RNF19A: variants seen among roughly 807,000 people sequenced by gnomAD.
The protein encoded by RNF19A is ring finger protein 19A, RBR E3 ubiquitin protein ligase.
RNF19A carries 32 observed loss-of-function variants against 75.7 expected under a neutral mutation model. The ratio of observed to expected loss-of-function variants is 0.42; its 90% CI spans 0.32 to 0.57. The LOEUF is 0.57. RNF19A is among the 20% of genes least tolerant of loss of function. The pLI, the probability that RNF19A is intolerant of heterozygous loss-of-function variation, is 0.10. For missense variants in RNF19A, 782 were observed against 1,036.3 expected, an observed-to-expected ratio of 0.75 and a Z score of 3.37; for synonymous variants, 335 against 345.2, an observed-to-expected ratio of 0.97 and a Z score of 0.33.
chr8:100,325,500 T>C lies in RNF19A; in HGVS notation c.-243+10608A>G, dbSNP rs1015951271. On this transcript the variant is annotated intron_variant, in intron 1 of 3. Coordinates refer to the RNF19A transcript ENST00000519527. This position sits in a 1 kb window ranked among gnomAD's most constrained non-coding sequence, Gnocchi z 4.3. Reference sequence around the variant, plus strand: ...CTCTAGGTCCTCCCTTTTCAGTAAGTGACCTCTGAACAAGACGTTTCAACT... The same window carrying C: ...CTCTAGGTCCTCCCTTTTCAGTAAGCGACCTCTGAACAAGACGTTTCAACT... Among the ~76,000 whole-genome samples the C allele has an allele frequency of 3.9e-5, 6 of 152,178 alleles. No individual in the cohort carries two copies. The highest frequency in any genetic ancestry group is 1.4e-4 in the African/African-American group (6 of 41,426).
intron 3 of RNF19A, among the ~76,000 whole-genome samples, chr8:100,273,409 G>C (rs971629108): frequency 6.6e-6 from 1 of 152,096 alleles, no homozygotes; most frequent in African/African-American, 2.4e-5. Flanking sequence ...CTAGCTGCTA[G>C]ACTTGGCTCT....
intron 1 of RNF19A, among the ~76,000 whole-genome samples, chr8:100,315,723 C>A (rs1822363678): frequency 6.6e-6 from 1 of 152,140 alleles, no homozygotes; most frequent in South Asian, 2.1e-4. Context: ...GCAGTGCGAT[C>A]ACCTTGACCT....
chr8:100,309,244 G>C (rs1399220713), intron 1 of RNF19A: 7 of 863,244 alleles, frequency 8.1e-6, no homozygotes, highest in Non-Finnish European at 9.7e-6. Context: ...ACACCATTTT[G>C]GTGTGATGTG....
At position 100,264,785 on chromosome 8, in the gene RNF19A, T is replaced by C. The variant is rs774770130; in HGVS notation, c.1192A>G (p.Ile398Val). ...TCCTTGCCTTCATAGCGATTGTGAA[T>C]CTTGAATTAATAAAAATAGGGGTGG... Reference protein sequence around the residue: ...IGIPVYVGRKIHNRYEGKDVS... With the variant: ...IGIPVYVGRKVHNRYEGKDVS... Residue 398 changes from isoleucine (I) to valine (V), a missense_variant and splice_region_variant, in exon 6 of 10, where the codon ATT (isoleucine) becomes GTT (valine). By Grantham distance (29) the Ile-to-Val change is conservative. This residue lies in a region of RNF19A where 41 missense variants were observed against 75.9 expected (regional missense o/e 0.54). Coordinates refer to ENST00000341084, the MANE Select transcript of RNF19A (RefSeq NM_183419.4). This position sits in a 1 kb window ranked among gnomAD's most constrained non-coding sequence, Gnocchi z 4.7. 3.1e-6 allele frequency: 5 copies of C among 1,608,036 alleles called. No homozygotes were observed. The South Asian group carries it at 5.5e-5, about 18-fold the overall frequency.
rs150910283 is a variant in RNF19A, at chr8:100,305,535, T to C, written c.-94+4332A>G. Among the ~76,000 whole-genome samples, 5 of 152,354 alleles carry C rather than the reference T, an allele frequency of 3.3e-5. No individual in the cohort carries two copies. In the East Asian group the frequency reaches 9.6e-4, roughly 29 times the overall value. On this transcript the variant is annotated intron_variant, in intron 1 of 9. Transcript: ENST00000341084. ...ATGAAAACTAATTTTGCCTGTTTCCTTTTACTTCTTTAATGTGGCACTAGA... is the reference window on the plus strand; with the variant it reads ...ATGAAAACTAATTTTGCCTGTTTCCCTTTACTTCTTTAATGTGGCACTAGA...
At position 100,329,863 on chromosome 8, in the gene RNF19A, G is replaced by A. The variant is rs1377269098; in HGVS notation, c.-243+6245C>T. Reference sequence around the variant, plus strand: ...ACATTTTAAAGAATCAGACCCACATGACAATAAAATTAAATATTTTCTCAT... The same window carrying A: ...ACATTTTAAAGAATCAGACCCACATAACAATAAAATTAAATATTTTCTCAT... On this transcript the variant is annotated intron_variant, in intron 1 of 3. Transcript: ENST00000519527. The surrounding 1 kb of genome is among the most constrained non-coding windows in gnomAD (Gnocchi z 4.3). Among the ~76,000 whole-genome samples, 2 of 152,156 alleles carry A rather than the reference G, an allele frequency of 1.3e-5. No individual in the cohort carries two copies. The highest frequency in any genetic ancestry group is 2.9e-5 in the Non-Finnish European group (2 of 68,026).
Position 100,335,342 on chromosome 8 carries a change from T to C in RNF19A, c.-243+766A>G, listed in dbSNP as rs1229264314. On this transcript the variant is annotated intron_variant, in intron 1 of 3. Transcript: ENST00000519527. ...AGATGTACTATTATTATCCTCATTT[T>C]ATCTATGAGGAAATTGAGGCACTGT... 1.3e-5 allele frequency among the ~76,000 whole-genome samples: 2 copies of C among 152,348 alleles called. 1 individual carries two copies. Among genetic ancestry groups the C allele is most frequent in the Middle Eastern group, 6.8e-3 (2 of 294 alleles).
chr8:100,262,565 G>A (rs886600314), intron 7 of RNF19A, among the ~76,000 whole-genome samples: 1 of 152,112 alleles, frequency 6.6e-6, no homozygotes, highest in African/African-American at 2.4e-5. Context: ...GACATAGTTG[G>A]GGCAGATCAT....
At chr8:100,273,385 C>G (rs1212094331) in intron 3 of RNF19A, among the ~76,000 whole-genome samples, 1 of 152,144 alleles carries the variant, frequency 6.6e-6, no homozygotes, top group Non-Finnish European at 1.5e-5. Context: ...AATAATCCAA[C>G]CTGGTATGAT....
chr8:100,270,257 T>TA (rs1820190908), intron 3 of RNF19A, among the ~76,000 whole-genome samples: 2 of 151,956 alleles, frequency 1.3e-5, no homozygotes, highest in African/African-American at 4.8e-5. Flanking sequence ...GAACAAAGAA[T>TA]AAAAAAAGAA....
intron 1 of RNF19A, among the ~76,000 whole-genome samples, chr8:100,301,985 G>A (rs1014473876): frequency 1.3e-5 from 2 of 152,166 alleles, no homozygotes; most frequent in African/African-American, 4.8e-5. Context: ...CCCTAAGGGA[G>A]GAATGTGTCT....
At chr8:100,273,026 C>T (rs1293853905) in intron 3 of RNF19A, among the ~76,000 whole-genome samples, 2 of 151,864 alleles carry the variant, frequency 1.3e-5, no homozygotes, top group Admixed American at 6.6e-5. Context: ...TCACCACGCC[C>T]GGCTAATTTT....
chr8:100,326,248 A>C (rs529254398), intron 1 of RNF19A, among the ~76,000 whole-genome samples: 1 of 152,102 alleles, frequency 6.6e-6, no homozygotes, highest in African/African-American at 2.4e-5. Context: ...TTTCTTCTGA[A>C]CTTCAGAAAA....
chr8:100,310,630 C>G (rs192358801), upstream of RNF19A, among the ~76,000 whole-genome samples: 80 of 152,356 alleles, frequency 5.3e-4, no homozygotes, highest in Admixed American at 4.4e-3. Context: ...AGGACGGCAG[C>G]ACCCTGTGCG....
chr8:100,279,236 A>T (rs1248150037), intron 2 of RNF19A, among the ~76,000 whole-genome samples: 1 of 152,222 alleles, frequency 6.6e-6, no homozygotes, highest in South Asian at 2.1e-4. Flanking sequence ...TAGAATTTTT[A>T]AAATACACAG....
At chr8:100,320,216 A>G (rs1822445849) in intron 1 of RNF19A, among the ~76,000 whole-genome samples, 1 of 152,236 alleles carries the variant, frequency 6.6e-6, no homozygotes, top group Non-Finnish European at 1.5e-5. Context: ...TATTTTAAAT[A>G]GTTTTTACTA....
chr8:100,317,089 C>G lies in RNF19A; in HGVS notation c.-242-3717G>C, dbSNP rs371991316. Among the ~76,000 whole-genome samples, 1 of 138,730 alleles carries G rather than the reference C, an allele frequency of 7.2e-6. No homozygotes were observed. The highest frequency in any genetic ancestry group is 2.2e-4 in the East Asian group (1 of 4,568). 91.0% of individuals were successfully genotyped at this position (138,730 alleles called of 152,430 possible). On this transcript the variant is annotated intron_variant, in intron 1 of 3. Coordinates refer to the RNF19A transcript ENST00000519527. The surrounding 1 kb of genome is among the most constrained non-coding windows in gnomAD (Gnocchi z 4.3). ...CTGAGTGCGGGGCCTGCCAAGCCCA[C>G]GCCCACGCCCACCCGGAACTCCAGC...
At chr8:100,316,346 G>A (rs761854844) in intron 1 of RNF19A, among the ~76,000 whole-genome samples, 9 of 152,032 alleles carry the variant, frequency 5.9e-5, no homozygotes, top group Non-Finnish European at 1.3e-4. Context: ...GTGTGGAAGG[G>A]GACCCCAGTG....
chr8:100,325,991 A>G lies in RNF19A; in HGVS notation c.-243+10117T>C, dbSNP rs1822528481. ...TGAGTTGGACACTTATCCTATTACA[A>G]ATCTATGTGCTACAAAGCTATATGC... On this transcript the variant is annotated intron_variant, in intron 1 of 3. Coordinates refer to the RNF19A transcript ENST00000519527. The surrounding 1 kb of genome is among the most constrained non-coding windows in gnomAD (Gnocchi z 4.3). Among the ~76,000 whole-genome samples the G allele has an allele frequency of 6.6e-6, 1 of 152,166 alleles. No homozygotes were observed. Among genetic ancestry groups the G allele is most frequent in the Non-Finnish European group, 1.5e-5 (1 of 68,036 alleles).
Sources: gnomAD v4.1 joint callset for allele counts (sites outside exome capture counted in the v4.1 genomes callset) on GRCh38, gnomAD v4.1.1 for gene constraint, gnomAD v4.1.1 regional missense constraint, Gnocchi (gnomAD v3.1) non-coding constraint, MANE v1.5 for transcripts, NCBI Gene and HGNC (gene_info 2026-07-23, HGNC 2026-07-21) for gene names.